Variants in CERS3 observed in about 807,000 individuals in gnomAD.
CERS3 encodes the protein LAG1 homolog, ceramide synthase 3.
A neutral mutation model predicts 50.3 loss-of-function variants in CERS3; 33 were observed. The ratio of observed to expected loss-of-function variants is 0.66; its 90% CI spans 0.50 to 0.88. The LOEUF (loss-of-function observed/expected upper bound fraction) is 0.88, where lower values mean the gene tolerates loss of function less well. Ranked by LOEUF, CERS3 falls within the 40% of genes least tolerant of loss-of-function variation. The pLI, the probability that CERS3 is intolerant of heterozygous loss-of-function variation, is 0.00. For synonymous variants in CERS3, 176 were observed against 155.2 expected, an observed-to-expected ratio of 1.13 and a Z score of -0.99; for missense variants, 470 against 460.3, an observed-to-expected ratio of 1.02 and a Z score of -0.19.
intron 11 of CERS3, among the ~76,000 whole-genome samples, chr15:100,450,724 A>T (rs2034131038): frequency 6.6e-6 from 1 of 152,230 alleles, no homozygotes; most frequent in African/African-American, 2.4e-5. Context: ...ACAAATAGAC[A>T]TGATTCTTAA....
At position 100,413,373 on chromosome 15, in the gene CERS3, T is replaced by C. The variant is rs566679972; in HGVS notation, c.1000-10508A>G. ...GTATTAAAATTGAAATGAAGTTTGT[T>C]TCAAATCTTAATATTCAAGATACAC... On this transcript the variant is annotated intron_variant, in intron 11 of 11. Coordinates refer to ENST00000679737, the MANE Select transcript of CERS3 (RefSeq NM_001378789.1). 3.3e-5 allele frequency among the ~76,000 whole-genome samples: 5 copies of C among 152,268 alleles called. No homozygotes were observed. The East Asian group carries it at 5.8e-4, about 18-fold the overall frequency.
chr15:100,517,526 G>A (rs1213552112), intron 2 of CERS3, among the ~76,000 whole-genome samples: 1 of 152,112 alleles, frequency 6.6e-6, no homozygotes, highest in African/African-American at 2.4e-5. Flanking sequence ...ATCATTTTAT[G>A]AAAAAGAGTA....
intron 2 of CERS3, among the ~76,000 whole-genome samples, chr15:100,519,956 G>A (rs1419108785): frequency 6.6e-6 from 1 of 152,088 alleles, no homozygotes; most frequent in Non-Finnish European, 1.5e-5. Flanking sequence ...GCCCTCCTCT[G>A]GCCTCACTTC....
At chr15:100,482,716 G>A (rs538600857) in intron 5 of CERS3, among the ~76,000 whole-genome samples, 72 of 152,190 alleles carry the variant, frequency 4.7e-4, no homozygotes, top group African/African-American at 1.6e-3. Flanking sequence ...TGAACCCAAC[G>A]TGCCTGGGGG....
At chr15:100,444,393 C>T (rs1233621826) in intron 11 of CERS3, among the ~76,000 whole-genome samples, 2 of 152,144 alleles carry the variant, frequency 1.3e-5, no homozygotes, top group Non-Finnish European at 2.9e-5. Flanking sequence ...ACCTGACCCC[C>T]ATGACTGCAT....
rs144841375 is a variant in CERS3, at chr15:100,517,849, G to A, written c.-2+3818C>T. Among the ~76,000 whole-genome samples the A allele has an allele frequency of 1.4e-3, 212 of 152,252 alleles. 5 individuals carry two copies. The highest frequency in any genetic ancestry group is 4.6e-3 in the African/African-American group (193 of 41,538). Reference sequence around the variant, plus strand: ...AGAGGCAGGGAAATGGTGCAGGAGTGCAGAAAAACATCCCCAAATATAGTC... The same window carrying A: ...AGAGGCAGGGAAATGGTGCAGGAGTACAGAAAAACATCCCCAAATATAGTC... On this transcript the variant is annotated intron_variant, in intron 2 of 11. Transcript: ENST00000679737.
At chr15:100,498,116 G>A (rs1347755355) in intron 3 of CERS3, among the ~76,000 whole-genome samples, 4 of 151,906 alleles carry the variant, frequency 2.6e-5, no homozygotes, top group East Asian at 1.9e-4. Flanking sequence ...GGATGGTCTC[G>A]ATCGCCTGAT....
At chr15:100,420,257 C>T (rs879708247) in intron 11 of CERS3, among the ~76,000 whole-genome samples, 2,644 of 145,890 alleles carry the variant, frequency 0.018, 26 homozygotes, top group Admixed American at 0.024. Context: ...ATATCACCAC[C>T]GATCCCACAG....
At chr15:100,529,828 A>G (rs1413815962), upstream of CERS3, among the ~76,000 whole-genome samples, 1 of 152,224 alleles carries the variant, frequency 6.6e-6, no homozygotes, top group African/African-American at 2.4e-5. Context: ...CCTGATTCTC[A>G]TTAGCTGTCT....
chr15:100,530,885 C>A (rs1405980802), upstream of CERS3, among the ~76,000 whole-genome samples: 1 of 152,064 alleles, frequency 6.6e-6, no homozygotes, highest in African/African-American at 2.4e-5. Flanking sequence ...GAGTTTGAGA[C>A]CAGCCTGGCC....
chr15:100,500,561 A>G (rs909991983), intron 3 of CERS3: 2 of 152,258 alleles, frequency 1.3e-5, no homozygotes, highest in East Asian at 3.8e-4. Flanking sequence ...ACCGGATACA[A>G]TGCAAAAACA....
intron 6 of CERS3, 36 bp from the exon 7 acceptor site, chr15:100,479,514 G>A (rs2142264939): frequency 1.3e-6 from 2 of 1,547,630 alleles, no homozygotes; most frequent in African/African-American, 1.4e-5. Flanking sequence ...CAACAGATGA[G>A]AAATAAATTG....
chr15:100,474,842 G>T (rs1369611298), intron 8 of CERS3, among the ~76,000 whole-genome samples: 2 of 152,214 alleles, frequency 1.3e-5, no homozygotes, highest in Admixed American at 1.3e-4. Context: ...GTTAGTGCGT[G>T]GTGAAGCCAG....
At chr15:100,477,905 A>G (rs1463760956) in intron 7 of CERS3, among the ~76,000 whole-genome samples, 1 of 152,252 alleles carries the variant, frequency 6.6e-6, no homozygotes, top group Admixed American at 6.5e-5. Flanking sequence ...AATCAGCTCA[A>G]TCAAGGATTA....
At position 100,469,366 on chromosome 15, in the gene CERS3, C is replaced by T. The variant is rs747356174; in HGVS notation, c.845+12G>A. The T allele has an allele frequency of 1.1e-5, 17 of 1,603,734 alleles. No individual in the cohort carries two copies. Among genetic ancestry groups the T allele is most frequent in the East Asian group, 2.2e-5 (1 of 44,808 alleles). On this transcript the variant is annotated intron_variant, in intron 10 of 11. Coordinates refer to ENST00000679737, the MANE Select transcript of CERS3 (RefSeq NM_001378789.1). ...ACTGACCAAAGGCAGGGCACATCAC[C>T]GGTCTACTCACCAGAAAGGAAAAAC... is the stretch of plus-strand genomic sequence containing the variant.
intron 11 of CERS3, among the ~76,000 whole-genome samples, chr15:100,436,004 T>C (rs4965653): frequency 0.4 from 61,461 of 151,924 alleles, 12,742 homozygotes; most frequent in East Asian, 0.54. Context: ...GGAGAAATAA[T>C]GCTTTTACAC....
At chr15:100,506,760 G>T (rs2036196460) in intron 2 of CERS3, among the ~76,000 whole-genome samples, 1 of 152,200 alleles carries the variant, frequency 6.6e-6, no homozygotes, top group South Asian at 2.1e-4. Context: ...CCTCAGTGAG[G>T]TAAAGCAGAA....
intron 5 of CERS3, among the ~76,000 whole-genome samples, chr15:100,481,607 G>A (rs1031948417): frequency 6.6e-6 from 1 of 152,232 alleles, no homozygotes; most frequent in African/African-American, 2.4e-5. Context: ...GCACACATGC[G>A]CTATGTCACA....
At chr15:100,463,614 T>C (rs1468121365) in intron 10 of CERS3, among the ~76,000 whole-genome samples, 2 of 152,210 alleles carry the variant, frequency 1.3e-5, no homozygotes, top group East Asian at 1.9e-4. Context: ...ATGGGCAAGA[T>C]AGGAGAGCTC....
Sources: gnomAD v4.1 joint callset for allele counts (sites outside exome capture counted in the v4.1 genomes callset) on GRCh38, gnomAD v4.1.1 for gene constraint, MANE v1.5 for transcripts, NCBI Gene and HGNC (gene_info 2026-07-23, HGNC 2026-07-21) for gene names.